Variants in ZHX2 observed in about 807,000 individuals in gnomAD.
The protein encoded by ZHX2 is zinc fingers and homeoboxes 2, also known as zinc fingers and homeoboxes protein 2.
Under a neutral mutation model 21.9 loss-of-function variants are expected in ZHX2, and 6 were observed. That is an observed-to-expected ratio of 0.27 (90% CI 0.15 to 0.54). The LOEUF (loss-of-function observed/expected upper bound fraction) is 0.54. Among genes scored for constraint, ZHX2 ranks in the 20% least tolerant of loss-of-function variants. The pLI is 0.95. For missense variants in ZHX2, 908 were observed against 1,090.7 expected (o/e 0.83, Z 2.36); for synonymous variants, 434 against 437.1 (o/e 0.99, Z 0.09).
At position 122,960,826 on chromosome 8, in the gene ZHX2, A is replaced by G. The variant is rs193295244; in HGVS notation, c.*4+6798A>G. 3.6e-3 allele frequency among the ~76,000 whole-genome samples: 544 copies of G among 152,310 alleles called. 3 individuals are homozygous for G. Among genetic ancestry groups the G allele is most frequent in the Non-Finnish European group, 4.2e-3 (288 of 68,022 alleles). On this transcript the variant is annotated intron_variant, in intron 3 of 3. Transcript: ENST00000314393. ...CTGTCTCACCAGTAAAGGAGATGAC[A>G]TGGTTCATTGTCCATAACCCTAGAG... is the stretch of plus-strand genomic sequence containing the variant.
At chr8:122,886,241 A>T (rs1210825877) in intron 2 of ZHX2, among the ~76,000 whole-genome samples, 1 of 152,232 alleles carries the variant, frequency 6.6e-6, no homozygotes, top group African/African-American at 2.4e-5. Flanking sequence ...AAGGCTAGAT[A>T]CTGTATGATT....
intron 2 of ZHX2, among the ~76,000 whole-genome samples, chr8:122,925,729 A>T (rs561884363): frequency 1.3e-5 from 2 of 152,346 alleles, no homozygotes; most frequent in South Asian, 4.1e-4. Context: ...TAGCTGACAC[A>T]CACTGGGTGA....
intron 2 of ZHX2, among the ~76,000 whole-genome samples, chr8:122,887,036 C>A (rs1005143224): frequency 4.7e-5 from 7 of 147,424 alleles, no homozygotes; most frequent in Non-Finnish European, 7.4e-5. Flanking sequence ...GTACCTGACA[C>A]GGTGCTCTGC....
At chr8:122,855,998 C>T (rs1819014730) in intron 1 of ZHX2, among the ~76,000 whole-genome samples, 1 of 152,192 alleles carries the variant, frequency 6.6e-6, no homozygotes, top group African/African-American at 2.4e-5. Context: ...GGGAACATAT[C>T]CCAAGTTCAA....
rs1813199755 is a variant in ZHX2, at chr8:122,953,551, T to C, written c.2041T>C (p.Cys681Arg). The change falls in exon 3 of 4, where the codon TGC (cysteine) becomes CGC (arginine). Residue 681 changes from cysteine (C) to arginine (R), a missense_variant. This residue lies in a region of ZHX2 where 431 missense variants were observed against 428.6 expected (regional missense o/e 1.01). Coordinates refer to ENST00000314393, the MANE Select transcript of ZHX2 (RefSeq NM_014943.5). The surrounding 1 kb of genome is among the most constrained non-coding windows in gnomAD (Gnocchi z 4.6). ...EIVRWFKENR[C>R]LLKTGTVKWM... Reference sequence around the variant, plus strand: ...TGTGCGTTGGTTCAAGGAGAACAGATGCTTGCTGAAAACGGGAACCGTGAA... The same window carrying C: ...TGTGCGTTGGTTCAAGGAGAACAGACGCTTGCTGAAAACGGGAACCGTGAA... 2 of 1,614,102 alleles carry C rather than the reference T, an allele frequency of 1.2e-6. No individual in the cohort carries two copies. The highest frequency in any genetic ancestry group is 1.7e-5 in the Admixed American group (1 of 60,010).
chr8:122,929,768 G>A (rs776498061), intron 2 of ZHX2, among the ~76,000 whole-genome samples: 7 of 152,006 alleles, frequency 4.6e-5, no homozygotes, highest in Non-Finnish European at 8.8e-5. Context: ...TTATATACCC[G>A]TAGCTCACAC....
chr8:122,868,650 G>A (rs145006464), intron 2 of ZHX2, among the ~76,000 whole-genome samples: 2,313 of 147,424 alleles, frequency 0.016, 59 homozygotes, highest in African/African-American at 0.054. Context: ...ACAGTGAGCC[G>A]AGATCGCGCC....
intron 1 of ZHX2, among the ~76,000 whole-genome samples, chr8:122,814,689 A>G (rs561889224): frequency 2.6e-5 from 4 of 152,212 alleles, no homozygotes; most frequent in Non-Finnish European, 5.9e-5. Flanking sequence ...AGCTCATGAA[A>G]GGAGGTATTG....
intron 2 of ZHX2, among the ~76,000 whole-genome samples, chr8:122,929,526 C>T (rs1365030983): frequency 2.0e-5 from 3 of 151,922 alleles, no homozygotes; most frequent in African/African-American, 7.3e-5. Context: ...ACCTGTAATG[C>T]CAGCTACTCG....
chr8:122,836,552 C>A (rs750280600), intron 1 of ZHX2, among the ~76,000 whole-genome samples: 1 of 152,184 alleles, frequency 6.6e-6, no homozygotes, highest in Non-Finnish European at 1.5e-5. Flanking sequence ...TTAATGAGTT[C>A]CTGGGTGCAG....
At chr8:122,933,500 C>T (rs1446284099) in intron 2 of ZHX2, among the ~76,000 whole-genome samples, 13 of 151,926 alleles carry the variant, frequency 8.6e-5, no homozygotes, top group East Asian at 5.8e-4. Flanking sequence ...TGTTTGTGGG[C>T]GTGTAGGTGT....
At chr8:122,894,967 A>G (rs1362363509) in intron 2 of ZHX2, among the ~76,000 whole-genome samples, 1 of 152,152 alleles carries the variant, frequency 6.6e-6, no homozygotes, top group South Asian at 2.1e-4. Flanking sequence ...ATCACAGTAC[A>G]TTGAATCAGT....
At chr8:122,805,896 C>T (rs2130588926) in intron 1 of ZHX2, among the ~76,000 whole-genome samples, 1 of 152,302 alleles carries the variant, frequency 6.6e-6, no homozygotes, top group Non-Finnish European at 1.5e-5. Context: ...TTCTCTCTTT[C>T]CCTCTTCCCT....
intron 1 of ZHX2, among the ~76,000 whole-genome samples, chr8:122,806,604 G>A (rs931706962): frequency 3.9e-5 from 6 of 152,178 alleles, no homozygotes; most frequent in African/African-American, 1.2e-4. Context: ...AGCCAACAAC[G>A]GAAAGGGAAG....
intron 1 of ZHX2, among the ~76,000 whole-genome samples, chr8:122,803,325 C>T (rs112624434): frequency 7.9e-4 from 121 of 152,300 alleles, no homozygotes; most frequent in Middle Eastern, 3.4e-3. Flanking sequence ...TGCCACTCCC[C>T]GTTGCTCCTC....
chr8:122,804,944 C>T (rs116197189), intron 1 of ZHX2, among the ~76,000 whole-genome samples: 2,445 of 152,298 alleles, frequency 0.016, 62 homozygotes, highest in African/African-American at 0.056. Context: ...TGAATACGTG[C>T]ATAGCATAAA....
chr8:122,876,752 C>T (rs555915599), intron 2 of ZHX2, among the ~76,000 whole-genome samples: 2 of 152,194 alleles, frequency 1.3e-5, no homozygotes, highest in Non-Finnish European at 2.9e-5. Context: ...GTTTGCTTCC[C>T]GTCTTGAATC....
rs532640596 is a variant in ZHX2, at chr8:122,856,531, C to T, written c.-282-6946C>T. ...TTCACTCATATCTCTTCTGTGAGGG[C>T]TCACTTTCATAGACTCCCAATCTTA... On this transcript the variant is annotated intron_variant, in intron 1 of 3. Transcript: ENST00000314393. Among the ~76,000 whole-genome samples the T allele has an allele frequency of 2.6e-5, 4 of 152,248 alleles. No homozygotes were observed. In the East Asian group the frequency reaches 7.7e-4, roughly 29 times the overall value.
At chr8:122,940,344 T>G (rs1445249584) in intron 2 of ZHX2, among the ~76,000 whole-genome samples, 1 of 152,122 alleles carries the variant, frequency 6.6e-6, no homozygotes, top group Non-Finnish European at 1.5e-5. Flanking sequence ...AGTAAATGAG[T>G]AAATTCGGGG....
Sources: gnomAD v4.1 joint callset for allele counts (sites outside exome capture counted in the v4.1 genomes callset) on GRCh38, gnomAD v4.1.1 for gene constraint, gnomAD v4.1.1 regional missense constraint, Gnocchi (gnomAD v3.1) non-coding constraint, MANE v1.5 for transcripts, NCBI Gene and HGNC (gene_info 2026-07-23, HGNC 2026-07-21) for gene names.